Variants in BAIAP2L1 observed in about 807,000 individuals in gnomAD.
BAIAP2L1 encodes BAR/IMD domain-containing adapter protein 2-like 1.
A neutral mutation model predicts 66.3 loss-of-function variants in BAIAP2L1; 35 were observed. The ratio of observed to expected loss-of-function variants is 0.53; its 90% CI spans 0.40 to 0.70. BAIAP2L1 has a LOEUF of 0.70. Ranked by LOEUF, BAIAP2L1 falls within the 30% of genes least tolerant of loss-of-function variation. The pLI, the probability that BAIAP2L1 is intolerant of heterozygous loss-of-function variation, is 0.00. For missense variants in BAIAP2L1, 622 were observed against 656.9 expected, an observed-to-expected ratio of 0.95 and a Z score of 0.58; for synonymous variants, 269 against 248.7, an observed-to-expected ratio of 1.08 and a Z score of -0.77.
At chr7:98,395,500 G>A (rs1425054046) in intron 1 of BAIAP2L1, among the ~76,000 whole-genome samples, 2 of 151,904 alleles carry the variant, frequency 1.3e-5, no homozygotes, top group African/African-American at 4.8e-5. Context: ...CTGGGAGGTG[G>A]CACGAGGGGG....
At chr7:98,317,877 C>A (rs1329394001) in intron 5 of BAIAP2L1, among the ~76,000 whole-genome samples, 1 of 150,728 alleles carries the variant, frequency 6.6e-6, no homozygotes, top group African/African-American at 2.4e-5. Context: ...CCTCACTCTG[C>A]AGTTCACACC....
intron 3 of BAIAP2L1, among the ~76,000 whole-genome samples, chr7:98,322,662 C>T (rs928788887): frequency 2.6e-5 from 4 of 152,168 alleles, no homozygotes; most frequent in Middle Eastern, 3.2e-3. Context: ...ATTCTCCCAT[C>T]CACCCCCAGC....
intron 3 of BAIAP2L1, among the ~76,000 whole-genome samples, chr7:98,327,010 A>G (rs893150610): frequency 6.6e-6 from 1 of 152,210 alleles, no homozygotes; most frequent in Non-Finnish European, 1.5e-5. Context: ...TGACTTGGAC[A>G]GTATTCCAGC....
In BAIAP2L1 at chr7:98,380,138, T is replaced by C. The variant is rs528484035; in HGVS notation, c.52-17706A>G. Among the ~76,000 whole-genome samples the C allele has an allele frequency of 5.3e-5, 8 of 151,224 alleles. No individual in the cohort carries two copies. The South Asian group carries it at 1.7e-3, about 32-fold the overall frequency. ...TGTCACCCAGGCTGGAGTGCAGTGG[T>C]GTGATCAGACCTCATGGTAATCTCA... is the stretch of plus-strand genomic sequence containing the variant. On this transcript the variant is annotated intron_variant, in intron 1 of 13. Coordinates refer to ENST00000005260, the MANE Select transcript of BAIAP2L1 (RefSeq NM_018842.5).
chr7:98,328,243 C>G (rs1801415399), intron 3 of BAIAP2L1, among the ~76,000 whole-genome samples: 1 of 151,974 alleles, frequency 6.6e-6, no homozygotes, highest in African/African-American at 2.4e-5. Context: ...GGCCAGGCAC[C>G]ACGAAAGGGA....
chr7:98,292,314 CG>C lies in BAIAP2L1; in HGVS notation c.*1206del. On this transcript the variant is annotated 3_prime_UTR_variant, in exon 14 of 14. Coordinates refer to ENST00000005260, the MANE Select transcript of BAIAP2L1 (RefSeq NM_018842.5). The stretch of plus-strand genomic sequence containing the variant: ...CTGGCTCACTGCAACCTCTGCCTCC[CG>C]GGTTCAAGTGATTCTCCTGCCTCAG... 3.0e-6 allele frequency: 1 copy of C among 338,576 alleles called. No individual in the cohort carries two copies. The highest frequency in any genetic ancestry group is 5.6e-6 in the Non-Finnish European group (1 of 178,246). The allele number at this position is 338,576 out of a possible 1,614,324, so 21.0% of individuals were successfully genotyped here. A position where few individuals can be genotyped will look rare whatever the true frequency, so the allele number is the denominator to read the frequency against.
At chr7:98,318,346 C>A (rs1317511995) in intron 5 of BAIAP2L1, among the ~76,000 whole-genome samples, 1 of 152,086 alleles carries the variant, frequency 6.6e-6, no homozygotes, top group Non-Finnish European at 1.5e-5. Flanking sequence ...GTGGTTGCAG[C>A]AAGCTGAGAT....
chr7:98,392,873 A>ACCTCCGCCTCCCAC (rs1441189535), intron 1 of BAIAP2L1, among the ~76,000 whole-genome samples: 2 of 150,720 alleles, frequency 1.3e-5, no homozygotes, highest in Non-Finnish European at 3.0e-5. Context: ...GCTCACTGCA[A>ACCTCCGCCTCCCAC]CCTCCGCCTC....
In BAIAP2L1 at chr7:98,303,291, C is replaced by T. The variant is rs143692552; in HGVS notation, c.1422+905G>A. ...ACCACTCACAGCTGAACTAAGGCCCCGGACACAAGGTATAGGGGCCTGGCT... is the reference window on the plus strand; with the variant it reads ...ACCACTCACAGCTGAACTAAGGCCCTGGACACAAGGTATAGGGGCCTGGCT... On this transcript the variant is annotated intron_variant, in intron 12 of 13. Transcript: ENST00000005260. 9.9e-3 allele frequency among the ~76,000 whole-genome samples: 1,509 copies of T among 152,218 alleles called. 10 individuals carry two copies. The highest frequency in any genetic ancestry group is 0.031 in the Middle Eastern group (9 of 294).
At chr7:98,310,902 T>C (rs1241354084) in intron 8 of BAIAP2L1, among the ~76,000 whole-genome samples, 1 of 151,952 alleles carries the variant, frequency 6.6e-6, no homozygotes, top group Admixed American at 6.6e-5. Context: ...GCCAGGCTGG[T>C]CTCAAACTTC....
At chr7:98,327,078 C>T (rs376109348) in intron 3 of BAIAP2L1, among the ~76,000 whole-genome samples, 6 of 152,094 alleles carry the variant, frequency 3.9e-5, no homozygotes, top group East Asian at 1.9e-4. Flanking sequence ...GTGAGGATCC[C>T]GGCCAGGCGC....
Position 98,399,751 on chromosome 7 carries a change from G to A in BAIAP2L1, c.51+1051C>T, listed in dbSNP as rs3801249. 6.6e-3 allele frequency among the ~76,000 whole-genome samples: 1,003 copies of A among 152,290 alleles called. 20 individuals carry two copies. Among genetic ancestry groups the A allele is most frequent in the South Asian group, 0.065 (314 of 4,826 alleles). On this transcript the variant is annotated intron_variant, in intron 1 of 13. Transcript: ENST00000005260. ...AAACTAAACAGGCCACTAATCCTAA[G>A]TCTCTGTCTGTGTCTGGAAAAATTC...
chr7:98,304,843 T>TTTA (rs1329215503), intron 11 of BAIAP2L1, among the ~76,000 whole-genome samples: 3 of 151,456 alleles, frequency 2.0e-5, no homozygotes, highest in Non-Finnish European at 4.4e-5. Context: ...TTTAGTGGTT[T>TTTA]CTAAACATAT....
intron 1 of BAIAP2L1, among the ~76,000 whole-genome samples, chr7:98,366,372 AC>A (rs1480568157): frequency 5.3e-5 from 8 of 151,992 alleles, no homozygotes; most frequent in Admixed American, 4.6e-4. Context: ...GAGCTCCGCC[AC>A]CCTGTGCACC....
At chr7:98,327,993 A>G (rs928585258) in intron 3 of BAIAP2L1, among the ~76,000 whole-genome samples, 4 of 151,764 alleles carry the variant, frequency 2.6e-5, no homozygotes, top group African/African-American at 9.7e-5. Flanking sequence ...AGCCAAAAAG[A>G]GCTGCAAGCA....
chr7:98,368,419 A>C (rs1224277048), intron 1 of BAIAP2L1, among the ~76,000 whole-genome samples: 4 of 152,114 alleles, frequency 2.6e-5, no homozygotes, highest in African/African-American at 9.7e-5. Context: ...ACTCCATCTC[A>C]AAAACAAAAC....
At chr7:98,376,117 C>T (rs945870076) in intron 1 of BAIAP2L1, among the ~76,000 whole-genome samples, 2 of 152,174 alleles carry the variant, frequency 1.3e-5, no homozygotes, top group Non-Finnish European at 2.9e-5. Context: ...TTGGTCTGTA[C>T]TGACCAAGGT....
rs116013648 is a variant in BAIAP2L1 at position 98,352,701 on chromosome 7, C to T, written c.214+2341G>A. On this transcript the variant is annotated intron_variant, in intron 3 of 13. Coordinates refer to ENST00000005260, the MANE Select transcript of BAIAP2L1 (RefSeq NM_018842.5). ...ATACATGCACATGAAAGAAATTTCA[C>T]CATCACAAAATACTTTCCTCACTGA... Among the ~76,000 whole-genome samples the T allele has an allele frequency of 4.6e-3, 707 of 152,224 alleles. 11 individuals carry two copies. The highest frequency in any genetic ancestry group is 0.016 in the African/African-American group (667 of 41,538).
At chr7:98,366,275 AGC>A (rs1368984797) in intron 1 of BAIAP2L1, among the ~76,000 whole-genome samples, 1 of 152,096 alleles carries the variant, frequency 6.6e-6, no homozygotes, top group East Asian at 1.9e-4. Context: ...CCAAGTCTAG[AGC>A]ACCTCAGATT....
Sources: allele counts gnomAD v4.1 joint callset (sites outside exome capture counted in the v4.1 genomes callset), GRCh38; gene constraint gnomAD v4.1.1; transcripts MANE v1.5; gene names NCBI Gene and HGNC (gene_info 2026-07-23, HGNC 2026-07-21).